Variants in ST18 observed in about 807,000 individuals in gnomAD.
The protein encoded by ST18 is ST18 C2H2C-type zinc finger transcription factor, also known as suppression of tumorigenicity 18 protein.
In ST18, 50 loss-of-function variants were observed where a neutral mutation model predicts 110.0. The ratio of observed to expected loss-of-function variants is 0.45; its 90% CI spans 0.36 to 0.58. The LOEUF (loss-of-function observed/expected upper bound fraction) is 0.58, where lower values mean the gene tolerates loss of function less well. Ranked by LOEUF, ST18 falls within the 20% of genes least tolerant of loss-of-function variation. ST18 has a pLI of 0.00. For synonymous variants in ST18, 461 were observed against 452.4 expected, an observed-to-expected ratio of 1.02 and a Z score of -0.24; for missense variants, 1,306 against 1,280.1, an observed-to-expected ratio of 1.02 and a Z score of -0.31.
intron 23 of ST18, 61 bp from the exon 24 acceptor site, chr8:52,118,502 T>C: frequency 1.1e-6 from 1 of 949,616 alleles, no homozygotes; most frequent in South Asian, 2.0e-5. Context: ...AGTCATTATA[T>C]GTTTAATTTG....
At chr8:52,284,540 C>T (rs1227818891) in intron 2 of ST18, among the ~76,000 whole-genome samples, 4 of 152,088 alleles carry the variant, frequency 2.6e-5, no homozygotes, top group African/African-American at 7.2e-5. Context: ...GAAGCAGTGA[C>T]AGGGAGCCAG....
chr8:52,208,254 G>C (rs1327052366), intron 8 of ST18, among the ~76,000 whole-genome samples: 1 of 152,132 alleles, frequency 6.6e-6, no homozygotes, highest in African/African-American at 2.4e-5. Context: ...ATTCTAAAAA[G>C]AAGAACCAAA....
At chr8:52,377,964 G>C (rs1029797195) in intron 2 of ST18, among the ~76,000 whole-genome samples, 1 of 152,172 alleles carries the variant, frequency 6.6e-6, no homozygotes, top group Admixed American at 6.5e-5. Flanking sequence ...CATGGAACTA[G>C]AGGGCATTAT....
At chr8:52,387,223 A>T (rs1394742607) in intron 2 of ST18, among the ~76,000 whole-genome samples, 1 of 152,164 alleles carries the variant, frequency 6.6e-6, no homozygotes, top group Admixed American at 6.5e-5. Context: ...TCAACTGATA[A>T]TAGATATAAT....
intron 8 of ST18, among the ~76,000 whole-genome samples, chr8:52,195,326 CA>C (rs2075856626): frequency 6.6e-6 from 1 of 152,050 alleles, no homozygotes; most frequent in Non-Finnish European, 1.5e-5. Flanking sequence ...AATTTGGCTT[CA>C]ATAAAGCCCA....
chr8:52,172,378 G>A lies in ST18; in HGVS notation c.483C>T (p.Ser161=), dbSNP rs780495112. The change falls in exon 10 of 26, where the codon AGC becomes AGT. Residue 161 remains serine (S), a synonymous_variant. Coordinates refer to ENST00000689386, the MANE Select transcript of ST18 (RefSeq NM_001352837.2). ...DSGIQSLKAE[S]DEADECFLIH... is the part of the protein sequence containing the mutation. ...TCAGAAAGCACTCGTCTGCTTCATC[G>A]CTCTCTGCTTTTAAAGACTGGATGC... 1.5e-5 allele frequency: 24 copies of A among 1,613,734 alleles called. No homozygotes were observed. Among genetic ancestry groups the A allele is most frequent in the Middle Eastern group, 1.6e-4 (1 of 6,082 alleles).
chr8:52,287,111 C>T (rs966474800), intron 2 of ST18, among the ~76,000 whole-genome samples: 19 of 151,960 alleles, frequency 1.3e-4, no homozygotes, highest in African/African-American at 4.6e-4. Context: ...AAGACTGTTC[C>T]AAAAAATCTA....
chr8:52,403,924 A>G (rs1843617946), intron 2 of ST18: 1 of 152,204 alleles, frequency 6.6e-6, no homozygotes, highest in Non-Finnish European at 1.5e-5. Flanking sequence ...TTTCCCTCCT[A>G]GCAGATACCA....
Position 52,294,630 on chromosome 8 carries a change from C to T in ST18, c.-464-64553G>A, listed in dbSNP as rs773464927. On this transcript the variant is annotated intron_variant, in intron 2 of 25. Coordinates refer to ENST00000689386, the MANE Select transcript of ST18 (RefSeq NM_001352837.2). ...AGAGAGTTTTGCATTTTAGCCTTGGCAGGCTTACACCTTGCTCATACAAAA... is the reference window on the plus strand; with the variant it reads ...AGAGAGTTTTGCATTTTAGCCTTGGTAGGCTTACACCTTGCTCATACAAAA... 8.5e-5 allele frequency: 13 copies of T among 152,248 alleles called. No homozygotes were observed. In the East Asian group the frequency reaches 2.1e-3, roughly 25 times the overall value. 9.4% of individuals were successfully genotyped at this position (152,248 alleles called of 1,614,324 possible).
At chr8:52,251,802 C>T (rs2094323451) in intron 2 of ST18, among the ~76,000 whole-genome samples, 1 of 152,046 alleles carries the variant, frequency 6.6e-6, no homozygotes, top group South Asian at 2.1e-4. Context: ...TGAATTCAAT[C>T]CATAAAACTC....
intron 8 of ST18, among the ~76,000 whole-genome samples, chr8:52,203,480 G>A (rs990415446): frequency 2.6e-5 from 4 of 152,182 alleles, no homozygotes; most frequent in Admixed American, 6.5e-5. Flanking sequence ...TTGGAAACCA[G>A]AGCACATGAT....
intron 2 of ST18, among the ~76,000 whole-genome samples, chr8:52,239,321 G>C (rs960985293): frequency 1.3e-5 from 2 of 152,166 alleles, no homozygotes; most frequent in Non-Finnish European, 2.9e-5. Flanking sequence ...CCATTAAACT[G>C]TACACTTGAA....
At chr8:52,168,032 G>C (rs1018109008) in intron 10 of ST18, among the ~76,000 whole-genome samples, 1 of 151,798 alleles carries the variant, frequency 6.6e-6, no homozygotes, top group Non-Finnish European at 1.5e-5. Flanking sequence ...TGACTGAGAT[G>C]GCAGATAAAG....
At chr8:52,302,005 CA>C (rs2095731856) in intron 2 of ST18, 1 of 152,266 alleles carries the variant, frequency 6.6e-6, no homozygotes, top group Non-Finnish European at 1.5e-5. Context: ...AGAGCCAGAG[CA>C]GAGTGAAGAT....
chr8:52,346,523 A>G (rs759569750), intron 2 of ST18, among the ~76,000 whole-genome samples: 73 of 152,186 alleles, frequency 4.8e-4, no homozygotes, highest in Admixed American at 7.2e-4. Context: ...TAAATAAACA[A>G]TGTGACGACC....
chr8:52,148,711 G>GGAGGT (rs2058044783), intron 16 of ST18, among the ~76,000 whole-genome samples: 1 of 150,052 alleles, frequency 6.7e-6, no homozygotes, highest in African/African-American at 2.5e-5. Context: ...GGAGGGGAGG[G>GGAGGT]GAGGGGAGGG....
intron 2 of ST18, among the ~76,000 whole-genome samples, chr8:52,246,339 T>C (rs923527057): frequency 6.6e-6 from 1 of 151,614 alleles, no homozygotes; most frequent in African/African-American, 2.4e-5. Flanking sequence ...GGCAAAAAAA[T>C]TTTTAAAAAA....
At chr8:52,329,637 C>G (rs977430523) in intron 2 of ST18, among the ~76,000 whole-genome samples, 3 of 152,172 alleles carry the variant, frequency 2.0e-5, no homozygotes, top group South Asian at 4.2e-4. Context: ...TGCCTGTAAT[C>G]CTAGCTACTC....
Position 52,172,977 on chromosome 8 carries a change from G to A in ST18, c.278-394C>T, listed in dbSNP as rs548423978. Among the ~76,000 whole-genome samples, 4 of 152,214 alleles carry A rather than the reference G, an allele frequency of 2.6e-5. No individual in the cohort carries two copies. The East Asian group carries it at 7.7e-4, about 29-fold the overall frequency. On this transcript the variant is annotated intron_variant, in intron 9 of 25. Transcript: ENST00000689386. ...GTACTTCTTAGGTTCCTAACTCTTA[G>A]CCAACCAGAAGAAAATCAAATATAT...
Sources: allele counts gnomAD v4.1 joint callset (sites outside exome capture counted in the v4.1 genomes callset), GRCh38; gene constraint gnomAD v4.1.1; transcripts MANE v1.5; gene names NCBI Gene and HGNC (gene_info 2026-07-23, HGNC 2026-07-21).